COL4A1: variants seen among roughly 807,000 people sequenced by gnomAD.
COL4A1 encodes collagen alpha-1(IV) chain.
A neutral mutation model predicts 216.6 loss-of-function variants in COL4A1; 40 were observed. That is an observed-to-expected ratio of 0.18 (90% CI 0.14 to 0.24). COL4A1 has a LOEUF of 0.24. COL4A1 is among the 10% of genes least tolerant of loss of function. COL4A1 has a pLI of 1.00. For missense variants in COL4A1, 1,628 were observed against 2,196.8 expected (o/e 0.74, Z 5.18); for synonymous variants, 839 against 810.7 (o/e 1.03, Z -0.59).
chr13:110,186,791 T>G (rs886401916), intron 25 of COL4A1, among the ~76,000 whole-genome samples: 1 of 152,214 alleles, frequency 6.6e-6, no homozygotes, highest in African/African-American at 2.4e-5. Context: ...CTTTAGAGAA[T>G]GAGATGTTGA....
At chr13:110,269,893 C>G (rs1052430294) in intron 1 of COL4A1, among the ~76,000 whole-genome samples, 1 of 152,042 alleles carries the variant, frequency 6.6e-6, no homozygotes, top group Non-Finnish European at 1.5e-5. Context: ...GCCTCACATA[C>G]AGGGTGAAAT....
intron 2 of COL4A1, among the ~76,000 whole-genome samples, chr13:110,215,943 C>A (rs1880052037): frequency 6.6e-6 from 1 of 152,216 alleles, no homozygotes; most frequent in African/African-American, 2.4e-5. Flanking sequence ...AGCCGCCACA[C>A]CTCCATAGAG....
intron 2 of COL4A1, among the ~76,000 whole-genome samples, chr13:110,219,856 G>GTA (rs371792497): frequency 0.024 from 981 of 40,202 alleles, 30 homozygotes; most frequent in Middle Eastern, 0.056. Flanking sequence ...GTATATATAT[G>GTA]TATATATGTG....
intron 1 of COL4A1, among the ~76,000 whole-genome samples, chr13:110,295,388 C>T (rs532320916): frequency 6.7e-6 from 1 of 148,760 alleles, no homozygotes; most frequent in African/African-American, 2.5e-5. Context: ...CATTAAACAA[C>T]AGCCAACGAC....
intron 1 of COL4A1, among the ~76,000 whole-genome samples, chr13:110,293,002 T>G (rs1278995578): frequency 6.6e-6 from 1 of 152,172 alleles, no homozygotes; most frequent in African/African-American, 2.4e-5. Context: ...TGGCTGTTAT[T>G]TTTAAAAAAT....
At chr13:110,173,015 C>G (rs1379117050) in intron 40 of COL4A1, among the ~76,000 whole-genome samples, 1 of 152,180 alleles carries the variant, frequency 6.6e-6, no homozygotes, top group African/African-American at 2.4e-5. Context: ...GCATTTAGCA[C>G]AAATGATCTG....
At chr13:110,213,863 C>T (rs376493932) in intron 3 of COL4A1, 37 bp from the exon 4 acceptor site, 33 of 1,613,600 alleles carry the variant, frequency 2.0e-5, no homozygotes, top group Admixed American at 6.7e-5. Context: ...CATTGATCAC[C>T]GCTATCTCAA....
chr13:110,171,549 T>C (rs1388939658), intron 41 of COL4A1, among the ~76,000 whole-genome samples: 2 of 152,194 alleles, frequency 1.3e-5, no homozygotes, highest in Non-Finnish European at 2.9e-5. Flanking sequence ...GTTTTAAACA[T>C]AGTATCCAAA....
chr13:110,201,040 C>G, intron 19 of COL4A1, 151 bp from the exon 20 acceptor site: 1 of 811,764 alleles, frequency 1.2e-6, no homozygotes, highest in Non-Finnish European at 2.1e-6. Flanking sequence ...CCACCCGAGC[C>G]CCCACTCTGG....
Position 110,182,977 on chromosome 13 carries a change from C to T in COL4A1, c.2095+16G>A, listed in dbSNP as rs760906939. On this transcript the variant is annotated intron_variant, in intron 28 of 51. Transcript: ENST00000375820. Reference sequence around the variant, plus strand: ...CACAGGTGGACCAAAGGCTCGGGTCCGTCTGGCAGGGTTACCTTTGGGGCC... The same window carrying T: ...CACAGGTGGACCAAAGGCTCGGGTCTGTCTGGCAGGGTTACCTTTGGGGCC... The T allele has an allele frequency of 6.8e-6, 11 of 1,607,604 alleles. No individual in the cohort carries two copies. Among genetic ancestry groups the T allele is most frequent in the East Asian group, 2.2e-5 (1 of 44,780 alleles).
chr13:110,174,353 C>T, intron 39 of COL4A1, 93 bp downstream of exon 39: 1 of 1,391,786 alleles, frequency 7.2e-7, no homozygotes, highest in Non-Finnish European at 1.0e-6. Flanking sequence ...GGCCTCCCTG[C>T]TCCCCGTCTG....
chr13:110,253,626 TTA>T lies in COL4A1; in HGVS notation c.85-10894_85-10893del, dbSNP rs57086240. 8.5e-3 allele frequency among the ~76,000 whole-genome samples: 1,214 copies of T among 143,294 alleles called. 39 individuals carry two copies. Among genetic ancestry groups the T allele is most frequent in the African/African-American group, 0.03 (1,144 of 38,270 alleles). The allele number at this position is 143,294 out of a possible 152,430, so 94.0% of individuals were successfully genotyped here. A position where few individuals can be genotyped will look rare whatever the true frequency, so the allele number is the denominator to read the frequency against. On this transcript the variant is annotated intron_variant, in intron 1 of 51. Coordinates refer to ENST00000375820, the MANE Select transcript of COL4A1 (RefSeq NM_001845.6). ...ATGTATGTATTACATATACTTATAA[TTA>T]TATATGTATGTATGTATTACATATA...
At chr13:110,167,390 C>A (rs1877394135) in intron 43 of COL4A1, among the ~76,000 whole-genome samples, 160 bp from the exon 44 acceptor site, 1 of 152,232 alleles carries the variant, frequency 6.6e-6, no homozygotes, top group Admixed American at 6.5e-5. Context: ...AGAATAACAA[C>A]ACCTTTGCAT....
chr13:110,276,727 C>T (rs1310406253), intron 1 of COL4A1, among the ~76,000 whole-genome samples: 1 of 152,206 alleles, frequency 6.6e-6, no homozygotes. Context: ...ACCTGCTCTC[C>T]TGCTGTTGTG....
At chr13:110,251,479 G>A (rs1208467396) in intron 1 of COL4A1, among the ~76,000 whole-genome samples, 3 of 152,234 alleles carry the variant, frequency 2.0e-5, no homozygotes, top group Admixed American at 2.0e-4. Context: ...TCTACTGCAC[G>A]CCTGCATGGG....
At chr13:110,194,935 C>T (rs2139182792) in intron 22 of COL4A1, 88 bp downstream of exon 22, 1 of 1,087,666 alleles carries the variant, frequency 9.2e-7, no homozygotes, top group East Asian at 2.5e-5. Flanking sequence ...TCTGCCCACC[C>T]CCACTTGGCT....
intron 20 of COL4A1, among the ~76,000 whole-genome samples, chr13:110,200,158 C>A (rs1170951810): frequency 1.3e-5 from 2 of 152,264 alleles, no homozygotes; most frequent in African/African-American, 4.8e-5. Context: ...AATGCTAGGG[C>A]ACGTGAGCGT....
In COL4A1 at chr13:110,163,383, G is replaced by A. The variant is rs1877174305; in HGVS notation, c.4249+80C>T. 3.2e-6 allele frequency: 4 copies of A among 1,238,856 alleles called. No homozygotes were observed. In the Admixed American group the frequency reaches 7.2e-5, roughly 22 times the overall value. The allele number at this position is 1,238,856 out of a possible 1,614,324, so 76.7% of individuals were successfully genotyped here. ...GTGATATATCCAACTTCATTCTGCTGTTTCCCCATGCCTGGTTCTGCTCCT... is the reference window on the plus strand; with the variant it reads ...GTGATATATCCAACTTCATTCTGCTATTTCCCCATGCCTGGTTCTGCTCCT... On this transcript the variant is annotated intron_variant, in intron 47 of 51. Transcript: ENST00000375820.
chr13:110,185,958 A>G (rs957986796), intron 26 of COL4A1, among the ~76,000 whole-genome samples: 2 of 152,156 alleles, frequency 1.3e-5, no homozygotes, highest in Non-Finnish European at 2.9e-5. Context: ...GCGCTGTAGG[A>G]CCTCTAAATC....
Sources: gnomAD v4.1 joint callset for allele counts (sites outside exome capture counted in the v4.1 genomes callset) on GRCh38, gnomAD v4.1.1 for gene constraint, MANE v1.5 for transcripts, NCBI Gene and HGNC (gene_info 2026-07-23, HGNC 2026-07-21) for gene names.